The following CUL3 variants were observed in gnomAD, a reference collection of about 807,000 sequenced individuals.
CUL3 encodes cullin-3.
CUL3 carries 19 observed loss-of-function variants against 89.1 expected under a neutral mutation model. The observed-to-expected ratio is 0.21, with a 90% CI of 0.15 to 0.31. The LOEUF is 0.31. Among genes scored for constraint, CUL3 ranks in the 10% least tolerant of loss-of-function variants. The probability of loss-of-function intolerance (pLI) is 1.00; values close to 1 mark genes in which losing one functional copy is unlikely to be tolerated. For synonymous variants in CUL3, 351 were observed against 308.4 expected, an observed-to-expected ratio of 1.14 and a Z score of -1.45; for missense variants, 469 against 942.3, an observed-to-expected ratio of 0.50 and a Z score of 6.58.
intron 3 of CUL3, among the ~76,000 whole-genome samples, chr2:224,531,208 C>T (rs1248507138): frequency 1.1e-4 from 16 of 151,448 alleles, no homozygotes. Flanking sequence ...CTGCCTCAGC[C>T]TCCGAGTAGC....
Position 224,506,910 on chromosome 2 carries a change from T to C in CUL3, c.977A>G (p.Lys326Arg), listed in dbSNP as rs748361743. Residue 326 changes from lysine (K) to arginine (R), a missense_variant, in exon 7 of 16, where the codon AAA becomes AGA. Lys to Arg is a conservative substitution (Grantham distance 26, BLOSUM62 2). Coordinates refer to ENST00000264414, the MANE Select transcript of CUL3 (RefSeq NM_003590.5). ...CMSSYLREQG[K>R]ALVSEEGEGK... ...TTCTCCTTCTTCAGAAACAAGAGCTTTACCTTGCTCCCTCAAATAGGAACT... is the reference window on the plus strand; with the variant it reads ...TTCTCCTTCTTCAGAAACAAGAGCTCTACCTTGCTCCCTCAAATAGGAACT... The C allele has an allele frequency of 6.2e-7, 1 of 1,613,708 alleles. No individual in the cohort carries two copies. The highest frequency in any genetic ancestry group is 8.5e-7 in the Non-Finnish European group (1 of 1,179,766).
intron 6 of CUL3, among the ~76,000 whole-genome samples, chr2:224,510,912 C>T (rs1692800012): frequency 6.6e-6 from 1 of 152,110 alleles, no homozygotes; most frequent in Non-Finnish European, 1.5e-5. Flanking sequence ...TTTGCATTTT[C>T]AGCACCCTGT....
At chr2:224,563,678 T>C (rs1694970768) in intron 1 of CUL3, among the ~76,000 whole-genome samples, 1 of 152,216 alleles carries the variant, frequency 6.6e-6, no homozygotes, top group Non-Finnish European at 1.5e-5. Flanking sequence ...TGAAATCTCA[T>C]GCCATCCCAC....
chr2:224,477,623 C>T (rs928581952), intron 15 of CUL3, among the ~76,000 whole-genome samples: 2 of 152,218 alleles, frequency 1.3e-5, no homozygotes, highest in African/African-American at 4.8e-5. Context: ...TTACCCTTCT[C>T]TTTTTGGTTA....
intron 1 of CUL3, among the ~76,000 whole-genome samples, chr2:224,562,041 T>C (rs560453007): frequency 5.9e-5 from 9 of 152,200 alleles, no homozygotes; most frequent in Non-Finnish European, 1.3e-4. Context: ...TAAGATCCTC[T>C]GAAAGCCAGA....
At chr2:224,533,583 C>T (rs747301523) in intron 3 of CUL3, among the ~76,000 whole-genome samples, 3 of 152,008 alleles carry the variant, frequency 2.0e-5, no homozygotes, top group Non-Finnish European at 4.4e-5. Flanking sequence ...AAGAATAAAC[C>T]GTAAGATTAC....
At chr2:224,542,495 T>TGTGTG (rs1694146744) in intron 2 of CUL3, among the ~76,000 whole-genome samples, 2 of 150,218 alleles carry the variant, frequency 1.3e-5, no homozygotes, top group African/African-American at 4.9e-5. Context: ...TTCTGGCTTT[T>TGTGTG]TGTGTGTGTG....
intron 3 of CUL3, among the ~76,000 whole-genome samples, chr2:224,515,132 T>C (rs530810561): frequency 3.3e-5 from 5 of 152,336 alleles, no homozygotes; most frequent in East Asian, 1.9e-4. Flanking sequence ...AATACTGTAG[T>C]TGAAGATCAT....
At position 224,585,227 on chromosome 2, in the gene CUL3, T is replaced by TG. The variant is rs1361207456; in HGVS notation, c.-219dup. The TG allele has an allele frequency of 2.6e-5, 10 of 381,332 alleles. No homozygotes were observed. The highest frequency in any genetic ancestry group is 1.9e-4 in the East Asian group (5 of 26,858). 23.6% of individuals were successfully genotyped at this position (381,332 alleles called of 1,614,324 possible). ...CGGACTCTGGCGACTCCGATGCGGC[T>TG]GGGGGGCTGCGCTGGCGCGGCGGCT... On this transcript the variant is annotated 5_prime_UTR_variant, in exon 1 of 16. Coordinates refer to ENST00000264414, the MANE Select transcript of CUL3 (RefSeq NM_003590.5).
intron 6 of CUL3, among the ~76,000 whole-genome samples, chr2:224,509,012 CTAATAA>C (rs1163077269): frequency 6.6e-6 from 1 of 151,050 alleles, no homozygotes; most frequent in Non-Finnish European, 1.5e-5. Flanking sequence ...CTATCTGCAT[CTAATAA>C]TCAATCCAAT....
intron 8 of CUL3, among the ~76,000 whole-genome samples, chr2:224,504,842 C>T (rs182974249): frequency 1.9e-4 from 29 of 152,236 alleles, no homozygotes; most frequent in Admixed American, 1.8e-3. Context: ...CAGATGTGAG[C>T]ATGTTTTATG....
rs775960359 is a variant in CUL3, at chr2:224,495,949, A to T, written c.1725T>A (p.Val575=). The T allele has an allele frequency of 1.9e-5, 30 of 1,611,428 alleles. No individual in the cohort carries two copies. Among genetic ancestry groups the T allele is most frequent in the Middle Eastern group, 1.7e-4 (1 of 6,056 alleles). The change falls in exon 13 of 16, where the codon GTT becomes GTA. Residue 575 remains valine, a synonymous_variant. Coordinates refer to ENST00000264414, the MANE Select transcript of CUL3 (RefSeq NM_003590.5). ...CAGTTACTTGTGCACCTCCAACACCAACTTCAGATCCATCTTCCTGTTTCA... is the reference window on the plus strand; with the variant it reads ...CAGTTACTTGTGCACCTCCAACACCTACTTCAGATCCATCTTCCTGTTTCA... ...GPVKKEDGSE[V]GVGGAQVTGS...
intron 13 of CUL3, among the ~76,000 whole-genome samples, chr2:224,491,924 G>T (rs1691997923): frequency 6.6e-6 from 1 of 152,090 alleles, no homozygotes; most frequent in Admixed American, 6.6e-5. Flanking sequence ...TTCCTATGCT[G>T]ACCTTTCTTT....
At chr2:224,530,528 G>C (rs778274328) in intron 3 of CUL3, among the ~76,000 whole-genome samples, 1 of 152,154 alleles carries the variant, frequency 6.6e-6, no homozygotes, top group Non-Finnish European at 1.5e-5. Flanking sequence ...ATGAGGTATC[G>C]GTTAGAGAGG....
At chr2:224,562,983 T>A (rs1184316271) in intron 1 of CUL3, 1 of 204,580 alleles carries the variant, frequency 4.9e-6, no homozygotes, top group African/African-American at 2.4e-5. Context: ...GAAGATTAAA[T>A]GAGAACGTCA....
At position 224,473,066 on chromosome 2, in the gene CUL3, T is replaced by A. The variant is rs977497292; in HGVS notation, c.*1179A>T. On this transcript the variant is annotated 3_prime_UTR_variant, in exon 16 of 16. Transcript: ENST00000264414. Reference sequence around the variant, plus strand: ...ACAAGAATCTTCAGCACAAAGCACATGTTTGAAAACGTGAAACGATGACTC... The same window carrying A: ...ACAAGAATCTTCAGCACAAAGCACAAGTTTGAAAACGTGAAACGATGACTC... The A allele has an allele frequency of 2.0e-5, 4 of 200,618 alleles. No homozygotes were observed. The highest frequency in any genetic ancestry group is 9.2e-5 in the African/African-American group (4 of 43,518). 12.4% of individuals were successfully genotyped at this position (200,618 alleles called of 1,614,324 possible).
intron 2 of CUL3, among the ~76,000 whole-genome samples, chr2:224,546,848 G>A (rs1343221573): frequency 3.3e-5 from 5 of 151,880 alleles, no homozygotes; most frequent in African/African-American, 9.7e-5. Context: ...CATATCCCAC[G>A]GTTGCTGTTT....
At chr2:224,569,255 C>A (rs990926075) in intron 1 of CUL3, among the ~76,000 whole-genome samples, 9 of 152,128 alleles carry the variant, frequency 5.9e-5, no homozygotes, top group African/African-American at 2.2e-4. Flanking sequence ...AAACTGCACA[C>A]ACATTTATCA....
At chr2:224,575,201 T>A (rs6717544) in intron 1 of CUL3, among the ~76,000 whole-genome samples, 113,917 of 151,698 alleles carry the variant, frequency 0.75, 43,343 homozygotes, top group African/African-American at 0.89. Flanking sequence ...TAAGAGCAAT[T>A]TGAGAATTCT....
Sources: allele counts gnomAD v4.1 joint callset (sites outside exome capture counted in the v4.1 genomes callset), GRCh38; gene constraint gnomAD v4.1.1; transcripts MANE v1.5; gene names NCBI Gene and HGNC (gene_info 2026-07-23, HGNC 2026-07-21).